Variants in ACYP2 observed in about 807,000 individuals in gnomAD.
ACYP2 encodes acylphosphatase-2.
ACYP2 carries 12 observed loss-of-function variants against 11.2 expected under a neutral mutation model. The ratio of observed to expected loss-of-function variants is 1.08; its 90% CI spans 0.69 to 1.74. The LOEUF (loss-of-function observed/expected upper bound fraction) is 1.74, where lower values mean the gene tolerates loss of function less well. ACYP2 is among the 40% of genes most tolerant of loss of function. The pLI is 0.00. For missense variants in ACYP2, 134 were observed against 101.9 expected, an observed-to-expected ratio of 1.31 and a Z score of -1.35; for synonymous variants, 43 against 32.2, an observed-to-expected ratio of 1.33 and a Z score of -1.13.
chr2:54,232,332 C>T (rs920193353), intron 6 of ACYP2, among the ~76,000 whole-genome samples: 2 of 152,252 alleles, frequency 1.3e-5, no homozygotes, highest in Admixed American at 6.5e-5. Context: ...TGGCTTCCTT[C>T]GACAGGACCA....
At chr2:54,051,132 CA>C (rs1293954806) in intron 3 of ACYP2, 1 of 676,648 alleles carries the variant, frequency 1.5e-6, no homozygotes, top group African/African-American at 1.8e-5. Context: ...CACTGAACTC[CA>C]TAGAGACAGC....
chr2:54,126,201 G>A (rs1680490855), intron 4 of ACYP2, among the ~76,000 whole-genome samples: 1 of 152,200 alleles, frequency 6.6e-6, no homozygotes. Flanking sequence ...ATGTATTTTT[G>A]TGACTGTACA....
At chr2:54,088,165 G>C in intron 4 of ACYP2, among the ~76,000 whole-genome samples, 1 of 152,190 alleles carries the variant, frequency 6.6e-6, no homozygotes, top group Non-Finnish European at 1.5e-5. Context: ...AGCCAAAAGC[G>C]TGTTGCTAGG....
chr2:54,096,281 C>G (rs1437123127), intron 4 of ACYP2, among the ~76,000 whole-genome samples: 3 of 139,242 alleles, frequency 2.2e-5, no homozygotes, highest in Admixed American at 7.1e-5. Context: ...GATGGGTGGC[C>G]GGGCAGAGAC....
intron 6 of ACYP2, 119 bp from the exon 4 acceptor site, chr2:54,304,569 A>C: frequency 1.6e-6 from 1 of 611,218 alleles, no homozygotes; most frequent in Non-Finnish European, 2.8e-6. Flanking sequence ...TAAATATCAC[A>C]TATATGCAAA....
chr2:54,261,102 G>A (rs774757094), intron 6 of ACYP2, among the ~76,000 whole-genome samples: 5 of 152,038 alleles, frequency 3.3e-5, no homozygotes, highest in Non-Finnish European at 7.4e-5. Context: ...TCTCCCCAAG[G>A]GTACACATAC....
chr2:54,135,793 C>G (rs1310465383), intron 5 of ACYP2, among the ~76,000 whole-genome samples: 1 of 152,152 alleles, frequency 6.6e-6, no homozygotes, highest in African/African-American at 2.4e-5. Flanking sequence ...AAGAAATCCT[C>G]TAGGCAACGG....
At chr2:54,270,948 C>T (rs1022370604) in intron 6 of ACYP2, among the ~76,000 whole-genome samples, 5 of 152,106 alleles carry the variant, frequency 3.3e-5, no homozygotes, top group African/African-American at 9.7e-5. Context: ...AAGCTTTGTA[C>T]TTTTCTTTAC....
At chr2:54,238,064 C>G (rs1172254192) in intron 6 of ACYP2, among the ~76,000 whole-genome samples, 1 of 152,182 alleles carries the variant, frequency 6.6e-6, no homozygotes, top group Non-Finnish European at 1.5e-5. Context: ...GTCTAAGACT[C>G]ATTCCCTTAC....
chr2:54,028,944 G>C (rs1450414218), intron 2 of ACYP2, among the ~76,000 whole-genome samples: 1 of 152,126 alleles, frequency 6.6e-6, no homozygotes, highest in African/African-American at 2.4e-5. Flanking sequence ...GGATCATTGA[G>C]CTCAGCAGTT....
At chr2:54,219,817 A>G (rs796641495) in intron 6 of ACYP2, among the ~76,000 whole-genome samples, 33,569 of 114,834 alleles carry the variant, frequency 0.29, 4,095 homozygotes, top group East Asian at 0.46. Context: ...GTGTTTGTGT[A>G]TGTGTGTGTG....
chr2:54,185,518 C>A (rs1235973561), intron 6 of ACYP2, among the ~76,000 whole-genome samples: 2 of 151,966 alleles, frequency 1.3e-5, no homozygotes, highest in African/African-American at 2.4e-5. Flanking sequence ...TGGTTATTTA[C>A]CGCCTAAAGC....
chr2:54,039,101 C>G (rs1270152965), intron 2 of ACYP2, among the ~76,000 whole-genome samples: 1 of 151,750 alleles, frequency 6.6e-6, no homozygotes, highest in African/African-American at 2.4e-5. Context: ...TATAATAGAA[C>G]AGGGAAGTGG....
chr2:54,065,575 C>T, intron 4 of ACYP2: 1 of 398,450 alleles, frequency 2.5e-6, no homozygotes, highest in East Asian at 3.6e-5. Context: ...GCTTCATCTG[C>T]AGTGCTTGAT....
intron 4 of ACYP2, among the ~76,000 whole-genome samples, chr2:54,132,786 C>G (rs1361252808): frequency 6.7e-6 from 1 of 150,152 alleles, no homozygotes; most frequent in Non-Finnish European, 1.5e-5. Flanking sequence ...GCTCTGTTGC[C>G]CAGGCTGGAG....
At position 53,992,522 on chromosome 2, in the gene ACYP2, G is replaced by C. The variant is rs992042539; in HGVS notation, c.62+18712G>C. On this transcript the variant is annotated intron_variant, in intron 2 of 6. Coordinates refer to ENST00000607452, the MANE Select transcript of ACYP2 (RefSeq NM_001320586.2). ...GTAGAAGTAGTGCCAACGGTGAGAA[G>C]TACTCAGAGATGAGAAATATTTTGG... Among the ~76,000 whole-genome samples, 11 of 152,172 alleles carry C rather than the reference G, an allele frequency of 7.2e-5. No individual in the cohort carries two copies. In the East Asian group the frequency reaches 1.9e-3, roughly 27 times the overall value.
At chr2:53,999,856 A>G (rs1008768069) in intron 2 of ACYP2, among the ~76,000 whole-genome samples, 3 of 152,156 alleles carry the variant, frequency 2.0e-5, no homozygotes, top group Non-Finnish European at 4.4e-5. Flanking sequence ...ATTAAAGTGC[A>G]AAGATTAAAA....
chr2:54,161,091 A>G (rs1172116578), intron 6 of ACYP2, among the ~76,000 whole-genome samples: 1 of 152,186 alleles, frequency 6.6e-6, no homozygotes, highest in African/African-American at 2.4e-5. Flanking sequence ...GGTAAGTTCC[A>G]GCAGTGTGAG....
intron 6 of ACYP2, among the ~76,000 whole-genome samples, chr2:54,192,907 A>T (rs924174936): frequency 6.6e-6 from 1 of 152,154 alleles, no homozygotes; most frequent in African/African-American, 2.4e-5. Context: ...GGAGAACAGC[A>T]TGGGGGAAAC....
Sources: allele counts gnomAD v4.1 joint callset (sites outside exome capture counted in the v4.1 genomes callset), GRCh38; gene constraint gnomAD v4.1.1; transcripts MANE v1.5; gene names NCBI Gene and HGNC (gene_info 2026-07-23, HGNC 2026-07-21).